Variants in ZNF804B observed in about 807,000 individuals in gnomAD.
ZNF804B encodes the protein zinc finger 804B.
In ZNF804B, 80 loss-of-function variants were observed where a neutral mutation model predicts 101.4. The ratio of observed to expected loss-of-function variants is 0.79; its 90% CI spans 0.66 to 0.95. ZNF804B has a LOEUF of 0.95. ZNF804B is among the 40% of genes least tolerant of loss of function. ZNF804B has a pLI of 0.00. For missense variants in ZNF804B, 1,673 were observed against 1,561.9 expected, an observed-to-expected ratio of 1.07 and a Z score of -1.20; for synonymous variants, 622 against 558.8, an observed-to-expected ratio of 1.11 and a Z score of -1.59.
At chr7:88,891,699 C>T (rs1338104159) in intron 1 of ZNF804B, among the ~76,000 whole-genome samples, 2 of 150,556 alleles carry the variant, frequency 1.3e-5, no homozygotes, top group Non-Finnish European at 3.0e-5. Flanking sequence ...TTCTTTCTCT[C>T]TACTAGTCTT....
intron 1 of ZNF804B, among the ~76,000 whole-genome samples, chr7:88,893,301 A>G (rs118118291): frequency 0.015 from 2,298 of 152,212 alleles, 31 homozygotes; most frequent in Non-Finnish European, 0.025. Flanking sequence ...TATGTCATCT[A>G]CCATTTTTGG....
intron 1 of ZNF804B, among the ~76,000 whole-genome samples, chr7:89,201,706 T>C (rs1788642552): frequency 6.6e-6 from 1 of 152,066 alleles, no homozygotes; most frequent in Non-Finnish European, 1.5e-5. Context: ...TCCTCTTTAT[T>C]AATACATGGA....
intron 1 of ZNF804B, among the ~76,000 whole-genome samples, chr7:88,778,324 G>A (rs534987133): frequency 1.3e-5 from 2 of 152,096 alleles, no homozygotes; most frequent in South Asian, 4.2e-4. Flanking sequence ...GGTTCGATCG[G>A]GCCCACTTGG....
chr7:88,884,515 A>G (rs1792093849), intron 1 of ZNF804B, among the ~76,000 whole-genome samples: 1 of 151,760 alleles, frequency 6.6e-6, no homozygotes, highest in African/African-American at 2.4e-5. Context: ...CTATGGCACT[A>G]TATACACCTA....
intron 1 of ZNF804B, among the ~76,000 whole-genome samples, chr7:89,167,151 C>T (rs563639539): frequency 6.6e-6 from 1 of 151,698 alleles, no homozygotes; most frequent in African/African-American, 2.4e-5. Flanking sequence ...CCACAAATTT[C>T]CAAAGAACTT....
chr7:89,159,353 A>G (rs148279520), intron 1 of ZNF804B, among the ~76,000 whole-genome samples: 1 of 152,214 alleles, frequency 6.6e-6, no homozygotes, highest in East Asian at 1.9e-4. Context: ...GACCCTGTTA[A>G]AGTGAATTGA....
chr7:88,879,166 C>G (rs573049022), intron 1 of ZNF804B, among the ~76,000 whole-genome samples: 1 of 152,296 alleles, frequency 6.6e-6, no homozygotes, highest in Non-Finnish European at 1.5e-5. Context: ...GCGTCAATTA[C>G]TGATATAAAC....
intron 1 of ZNF804B, among the ~76,000 whole-genome samples, chr7:89,198,683 A>G (rs528569302): frequency 1.3e-5 from 2 of 152,126 alleles, no homozygotes; most frequent in East Asian, 3.9e-4. Flanking sequence ...AAAATTTTAA[A>G]TAACTGCTTT....
chr7:88,958,402 G>A (rs1030735366), intron 1 of ZNF804B, among the ~76,000 whole-genome samples: 2 of 151,340 alleles, frequency 1.3e-5, no homozygotes, highest in African/African-American at 4.8e-5. Context: ...TTTACTAAAA[G>A]ACCAAAATCT....
intron 1 of ZNF804B, among the ~76,000 whole-genome samples, chr7:89,062,424 CAA>C (rs758358274): frequency 6.6e-6 from 1 of 152,108 alleles, no homozygotes; most frequent in Non-Finnish European, 1.5e-5. Flanking sequence ...GCCTCCACCT[CAA>C]AAAGAGTTAG....
At chr7:89,214,331 C>G (rs1331995005) in intron 1 of ZNF804B, among the ~76,000 whole-genome samples, 2 of 152,052 alleles carry the variant, frequency 1.3e-5, no homozygotes, top group Non-Finnish European at 1.5e-5. Context: ...TTCCTCTAGG[C>G]AAACTGTAAG....
intron 1 of ZNF804B, among the ~76,000 whole-genome samples, chr7:89,052,856 G>A (rs913257075): frequency 2.0e-4 from 30 of 152,248 alleles, no homozygotes; most frequent in African/African-American, 7.0e-4. Context: ...GTTTAAGAGT[G>A]TATGAACACT....
chr7:88,834,539 A>G (rs1791180875), intron 1 of ZNF804B, among the ~76,000 whole-genome samples: 1 of 151,784 alleles, frequency 6.6e-6, no homozygotes, highest in Admixed American at 6.6e-5. Context: ...GAAGAAACTT[A>G]TGAACCCCTT....
intron 1 of ZNF804B, among the ~76,000 whole-genome samples, chr7:89,019,392 T>C (rs886128688): frequency 6.6e-6 from 1 of 152,202 alleles, no homozygotes. Context: ...GTGTTTTGTA[T>C]TCTAACATAT....
At chr7:89,289,342 C>G (rs746293129) in intron 2 of ZNF804B, among the ~76,000 whole-genome samples, 1 of 151,176 alleles carries the variant, frequency 6.6e-6, no homozygotes, top group Admixed American at 6.6e-5. Flanking sequence ...CAACTGTCTA[C>G]GCAAAAAAAA....
chr7:89,319,365 A>C, intron 2 of ZNF804B, among the ~76,000 whole-genome samples: 1 of 152,344 alleles, frequency 6.6e-6, no homozygotes, highest in Middle Eastern at 3.4e-3. Flanking sequence ...TTCACTATCA[A>C]TAATAAATGT....
At chr7:88,847,709 G>A (rs1369632966) in intron 1 of ZNF804B, among the ~76,000 whole-genome samples, 3 of 152,050 alleles carry the variant, frequency 2.0e-5, no homozygotes, top group Admixed American at 2.0e-4. Flanking sequence ...GCAGCAGTGG[G>A]GAAATATGCA....
At chr7:89,213,944 A>G (rs1788844702) in intron 1 of ZNF804B, among the ~76,000 whole-genome samples, 1 of 152,222 alleles carries the variant, frequency 6.6e-6, no homozygotes, top group African/African-American at 2.4e-5. Context: ...AATTACAATA[A>G]TAGTAACAAT....
chr7:89,272,237 C>G (rs1310103009), intron 2 of ZNF804B, among the ~76,000 whole-genome samples: 4 of 152,066 alleles, frequency 2.6e-5, no homozygotes, highest in East Asian at 3.9e-4. Flanking sequence ...AGCCATAGGA[C>G]CAAGAAAGCA....
Sources: gnomAD v4.1 joint callset for allele counts (sites outside exome capture counted in the v4.1 genomes callset) on GRCh38, gnomAD v4.1.1 for gene constraint, MANE v1.5 for transcripts, NCBI Gene and HGNC (gene_info 2026-07-23, HGNC 2026-07-21) for gene names.